ZNF827: variants seen among roughly 807,000 people sequenced by gnomAD.
ZNF827 encodes zinc finger protein 827.
A neutral mutation model predicts 102.4 loss-of-function variants in ZNF827; 13 were observed. The observed-to-expected ratio is 0.13, with a 90% CI of 0.08 to 0.20. The LOEUF is 0.20. Among genes scored for constraint, ZNF827 ranks in the 10% least tolerant of loss-of-function variants. The pLI, the probability that ZNF827 is intolerant of heterozygous loss-of-function variation, is 1.00. For synonymous variants in ZNF827, 523 were observed against 536.2 expected (o/e 0.98, Z 0.34); for missense variants, 1,103 against 1,344.4 (o/e 0.82, Z 2.81).
intron 10 of ZNF827, among the ~76,000 whole-genome samples, chr4:145,774,959 C>G (rs914608620): frequency 1.3e-5 from 2 of 152,200 alleles, no homozygotes; most frequent in African/African-American, 4.8e-5. Flanking sequence ...ATTCCAGATG[C>G]TGCACATCAC....
chr4:145,928,761 G>C (rs930599739), intron 1 of ZNF827, among the ~76,000 whole-genome samples: 3 of 152,216 alleles, frequency 2.0e-5, no homozygotes, highest in African/African-American at 7.2e-5. Flanking sequence ...TGAATGGAAA[G>C]ATCAAAGAAT....
chr4:145,853,114 C>T (rs529445494), intron 5 of ZNF827, among the ~76,000 whole-genome samples: 1 of 152,360 alleles, frequency 6.6e-6, no homozygotes, highest in African/African-American at 2.4e-5. Flanking sequence ...AAGCTCCTTT[C>T]ATTTCTAGCC....
intron 1 of ZNF827, among the ~76,000 whole-genome samples, chr4:145,920,938 G>A (rs188448967): frequency 1.4e-4 from 21 of 152,296 alleles, no homozygotes; most frequent in African/African-American, 5.1e-4. Flanking sequence ...GAAAGTCCAT[G>A]CCCTTTAAAA....
In ZNF827 at chr4:145,779,374, C is replaced by G. The variant is rs754838861; in HGVS notation, c.2521G>C (p.Glu841Gln). The change falls in exon 9 of 15, where the codon GAG (glutamate) becomes CAG (glutamine). Residue 841 changes from glutamate to glutamine, a missense_variant and splice_region_variant. Glu to Gln is a conservative substitution (Grantham distance 29, BLOSUM62 2). Transcript: ENST00000508784. ...GACAGCCCAGGCCCTACTCACTCAC[C>G]TGTGTGCAGCGAGAGGTGTCGGGAC... is the stretch of plus-strand genomic sequence containing the variant. The part of the protein sequence containing the change: ...TLSRHLSLHT[E>Q]ERKYKCHLCP... The G allele has an allele frequency of 1.2e-6, 2 of 1,613,924 alleles. No individual in the cohort carries two copies. The highest frequency in any genetic ancestry group is 2.7e-5 in the African/African-American group (2 of 75,062).
intron 11 of ZNF827, among the ~76,000 whole-genome samples, chr4:145,770,334 AT>A (rs57830557): frequency 0.36 from 53,562 of 149,520 alleles, 10,810 homozygotes; most frequent in Non-Finnish European, 0.47. Context: ...AAATAAATAA[AT>A]AAATAAATAA....
intron 5 of ZNF827, among the ~76,000 whole-genome samples, chr4:145,849,911 G>C (rs1158329587): frequency 2.6e-5 from 4 of 152,208 alleles, no homozygotes; most frequent in Non-Finnish European, 5.9e-5. Context: ...TTCCAGAACT[G>C]AGAGAGGACA....
intron 11 of ZNF827, among the ~76,000 whole-genome samples, chr4:145,769,044 G>A (rs7672025): frequency 0.017 from 2,526 of 150,220 alleles, 50 homozygotes; most frequent in Non-Finnish European, 0.023. Flanking sequence ...ATTTTTAAAA[G>A]TTTTTAAAAA....
At chr4:145,833,838 TC>T (rs986409136) in intron 7 of ZNF827, among the ~76,000 whole-genome samples, 2 of 149,440 alleles carry the variant, frequency 1.3e-5, no homozygotes, top group Non-Finnish European at 3.0e-5. Flanking sequence ...CTGCGCCCCA[TC>T]CCTTATTTCC....
intron 8 of ZNF827, among the ~76,000 whole-genome samples, chr4:145,809,670 G>C (rs1741823710): frequency 6.6e-6 from 1 of 152,140 alleles, no homozygotes; most frequent in South Asian, 2.1e-4. Flanking sequence ...CTTTTGAGAT[G>C]TTTTTCAGAC....
intron 1 of ZNF827, among the ~76,000 whole-genome samples, chr4:145,923,449 G>T (rs1490085813): frequency 9.5e-6 from 1 of 105,006 alleles, no homozygotes; most frequent in Non-Finnish European, 2.3e-5. Context: ...TATTACAAAT[G>T]TAAAAAAAAA....
At chr4:145,788,933 T>G (rs1739277788) in intron 8 of ZNF827, among the ~76,000 whole-genome samples, 1 of 152,268 alleles carries the variant, frequency 6.6e-6, no homozygotes, top group Non-Finnish European at 1.5e-5. Flanking sequence ...TGTGGGTTTT[T>G]GTTTTGTTTC....
chr4:145,862,309 C>T (rs900727415), intron 5 of ZNF827, among the ~76,000 whole-genome samples: 1 of 152,220 alleles, frequency 6.6e-6, no homozygotes, highest in Non-Finnish European at 1.5e-5. Context: ...AACAATACTG[C>T]TGTCTAGCCT....
intron 1 of ZNF827, among the ~76,000 whole-genome samples, chr4:145,919,026 T>G (rs1184302584): frequency 2.0e-5 from 2 of 101,336 alleles, no homozygotes; most frequent in African/African-American, 8.2e-5. Flanking sequence ...GAGGCTGAGG[T>G]GGGGTATCAC....
intron 8 of ZNF827, among the ~76,000 whole-genome samples, chr4:145,809,110 A>G (rs752288940): frequency 4.6e-5 from 7 of 152,210 alleles, no homozygotes; most frequent in Admixed American, 1.3e-4. Context: ...CTAGCGTCAT[A>G]TTTAAATGTG....
chr4:145,877,324 G>C (rs192073618), intron 4 of ZNF827, among the ~76,000 whole-genome samples: 138 of 152,258 alleles, frequency 9.1e-4, no homozygotes, highest in Non-Finnish European at 1.5e-3. Context: ...TTGGGGATCT[G>C]GGATTTTTCA....
At chr4:145,845,404 T>A (rs1438430524) in intron 7 of ZNF827, among the ~76,000 whole-genome samples, 1 of 152,238 alleles carries the variant, frequency 6.6e-6, no homozygotes, top group Non-Finnish European at 1.5e-5. Context: ...CAGTGGTGAA[T>A]GATATAAATT....
Position 145,866,982 on chromosome 4 carries a change from C to G in ZNF827, c.1981+3263G>C, listed in dbSNP as rs561259328. On this transcript the variant is annotated intron_variant, in intron 5 of 14. Transcript: ENST00000508784. ...CAGAGTTTAAAGGTACTCTGAATCT[C>G]TTACACTATCTAATGTTATATATCC... is the stretch of plus-strand genomic sequence containing the variant. Among the ~76,000 whole-genome samples the G allele has an allele frequency of 5.3e-5, 8 of 152,342 alleles. No individual in the cohort carries two copies. In the East Asian group the frequency reaches 1.5e-3, roughly 29 times the overall value.
intron 5 of ZNF827, among the ~76,000 whole-genome samples, chr4:145,850,508 A>G (rs1239569557): frequency 4.6e-5 from 7 of 152,332 alleles, no homozygotes; most frequent in Middle Eastern, 3.4e-3. Flanking sequence ...TAATAATGGT[A>G]CAATTTACTG....
At chr4:145,824,340 C>A (rs1203670326) in intron 7 of ZNF827, among the ~76,000 whole-genome samples, 2 of 152,198 alleles carry the variant, frequency 1.3e-5, no homozygotes, top group Non-Finnish European at 2.9e-5. Context: ...GTACTGCGAT[C>A]ACATATAAGA....
Sources: allele counts gnomAD v4.1 joint callset (sites outside exome capture counted in the v4.1 genomes callset), GRCh38; gene constraint gnomAD v4.1.1; transcripts MANE v1.5; gene names NCBI Gene and HGNC (gene_info 2026-07-23, HGNC 2026-07-21).